Variants in ATP8B1 observed in about 807,000 individuals in gnomAD.
ATP8B1 encodes ATPase phospholipid transporting 8B1.
Under a neutral mutation model 149.9 loss-of-function variants are expected in ATP8B1, and 80 were observed. The ratio of observed to expected loss-of-function variants is 0.53; its 90% CI spans 0.45 to 0.64. The LOEUF is 0.64. ATP8B1 is among the 30% of genes least tolerant of loss of function. The pLI, the probability that ATP8B1 is intolerant of heterozygous loss-of-function variation, is 0.00. For missense variants in ATP8B1, 1,247 were observed against 1,552.6 expected (o/e 0.80, Z 3.31); for synonymous variants, 536 against 562.8 (o/e 0.95, Z 0.67).
At chr18:57,685,048 G>A (rs1488770486) in intron 14 of ATP8B1, 24 bp downstream of exon 14, 5 of 1,613,364 alleles carry the variant, frequency 3.1e-6, no homozygotes, top group Admixed American at 1.7e-5. Context: ...CATCCCAAAC[G>A]ATTCTTCGGC....
chr18:57,768,672 A>G (rs1316046800), intron 1 of ATP8B1, among the ~76,000 whole-genome samples: 1 of 151,790 alleles, frequency 6.6e-6, no homozygotes, highest in Non-Finnish European at 1.5e-5. Flanking sequence ...AAAATATTAC[A>G]TAGCTAATCC....
Position 57,648,779 on chromosome 18 carries a change from G to A in ATP8B1, c.3532-67C>T, listed in dbSNP as rs566637139. 4.7e-6 allele frequency: 7 copies of A among 1,493,156 alleles called. No individual in the cohort carries two copies. The East Asian group carries it at 9.9e-5, about 21-fold the overall frequency. 92.5% of individuals were successfully genotyped at this position (1,493,156 alleles called of 1,614,324 possible). ...CACCAGGGAGGAGGCCTGGCCAGAC[G>A]GTTGACAGAAATGAACACTGATGAA... is the stretch of plus-strand genomic sequence containing the variant. On this transcript the variant is annotated intron_variant, in intron 27 of 27. Coordinates refer to ENST00000648908, the MANE Select transcript of ATP8B1 (RefSeq NM_001374385.1).
At chr18:57,789,778 T>C (rs999502213) in intron 1 of ATP8B1, among the ~76,000 whole-genome samples, 1 of 152,226 alleles carries the variant, frequency 6.6e-6, no homozygotes, top group Non-Finnish European at 1.5e-5. Context: ...TTTGCTCACA[T>C]GTACATACTT....
intron 1 of ATP8B1, among the ~76,000 whole-genome samples, chr18:57,743,489 C>T (rs1222716347): frequency 6.6e-6 from 1 of 152,150 alleles, no homozygotes; most frequent in Non-Finnish European, 1.5e-5. Flanking sequence ...AAATGCTTCC[C>T]AATGTATGCC....
At chr18:57,691,703 C>A (rs1056071641) in intron 12 of ATP8B1, 104 bp downstream of exon 12, 24 of 1,400,104 alleles carry the variant, frequency 1.7e-5, no homozygotes, top group African/African-American at 2.9e-5. Flanking sequence ...CTTACCTGTT[C>A]TTTGTGACCT....
At chr18:57,676,790 C>T (rs1911627480) in intron 15 of ATP8B1, among the ~76,000 whole-genome samples, 1 of 150,988 alleles carries the variant, frequency 6.6e-6, no homozygotes, top group African/African-American at 2.4e-5. Context: ...GATCACTATC[C>T]GATATCTTAA....
intron 1 of ATP8B1, among the ~76,000 whole-genome samples, chr18:57,793,273 A>G (rs2080480627): frequency 6.6e-6 from 1 of 152,018 alleles, no homozygotes; most frequent in South Asian, 2.1e-4. Flanking sequence ...TAAAAGTTGC[A>G]CGTATGCCTG....
chr18:57,701,266 G>A lies in ATP8B1; in HGVS notation c.441C>T (p.Pro147=), dbSNP rs1233057396. The A allele has an allele frequency of 1.2e-6, 2 of 1,614,144 alleles. No homozygotes were observed. The highest frequency in any genetic ancestry group is 1.7e-5 in the Admixed American group (1 of 60,020). ...STLAWYTTLV[P]LLVVLGVTAI... ...CAGTGACGCCCAGCACCACAAGCAG[G>A]GGCACTAGTGTGGTGTACCAAGCCA... Residue 147 remains proline (P), a synonymous_variant, in exon 5 of 28, where the codon CCC becomes CCT. Transcript: ENST00000648908.
intron 1 of ATP8B1, among the ~76,000 whole-genome samples, chr18:57,764,823 T>C (rs1407811301): frequency 6.7e-6 from 1 of 150,286 alleles, no homozygotes; most frequent in Non-Finnish European, 1.5e-5. Flanking sequence ...GTTGAAACAC[T>C]TTTGCACTGC....
intron 1 of ATP8B1, among the ~76,000 whole-genome samples, chr18:57,753,756 C>A (rs1370446989): frequency 4.0e-5 from 6 of 151,740 alleles, no homozygotes; most frequent in Non-Finnish European, 8.8e-5. Flanking sequence ...GGTGAAACCC[C>A]ATCTCTACTA....
At chr18:57,772,635 G>A (rs577712465) in intron 1 of ATP8B1, among the ~76,000 whole-genome samples, 2 of 151,088 alleles carry the variant, frequency 1.3e-5, no homozygotes, top group South Asian at 2.1e-4. Context: ...AACACGTCCC[G>A]ACCTCGTGGC....
chr18:57,699,152 AAG>A (rs1912984172), intron 6 of ATP8B1, among the ~76,000 whole-genome samples: 1 of 152,202 alleles, frequency 6.6e-6, no homozygotes, highest in South Asian at 2.1e-4. Flanking sequence ...GCCTCATTCC[AAG>A]ACTTTTTATG....
intron 20 of ATP8B1, among the ~76,000 whole-genome samples, chr18:57,664,724 T>G (rs529117483): frequency 6.6e-6 from 1 of 152,170 alleles, no homozygotes; most frequent in Non-Finnish European, 1.5e-5. Context: ...CATGAAATTT[T>G]GGAGTGGAAG....
At chr18:57,765,611 G>A (rs1224738533) in intron 1 of ATP8B1, among the ~76,000 whole-genome samples, 2 of 151,428 alleles carry the variant, frequency 1.3e-5, no homozygotes, top group African/African-American at 4.9e-5. Context: ...GGAGGTTGCA[G>A]TAAGCCAAGA....
chr18:57,755,889 T>C (rs2080072652), intron 1 of ATP8B1, among the ~76,000 whole-genome samples: 1 of 152,078 alleles, frequency 6.6e-6, no homozygotes, highest in African/African-American at 2.4e-5. Flanking sequence ...TGAAGAGGGC[T>C]TGCACGCGCC....
chr18:57,782,592 T>C (rs2080366504), intron 1 of ATP8B1, among the ~76,000 whole-genome samples: 1 of 152,126 alleles, frequency 6.6e-6, no homozygotes, highest in Non-Finnish European at 1.5e-5. Flanking sequence ...CCAGGTGAAC[T>C]TGAGAATCTC....
rs1909572894 is a variant in ATP8B1 at position 57,650,944 on chromosome 18, C to A, written c.3401-447G>T. 1.3e-5 allele frequency among the ~76,000 whole-genome samples: 2 copies of A among 152,076 alleles called. 1 individual carries two copies. The highest frequency in any genetic ancestry group is 4.1e-4 in the South Asian group (2 of 4,832). ...ACTGGATTGGCCTCCCCAAAATATC[C>A]ATTATGGCTCAAAGAACAGACATTT... is the stretch of plus-strand genomic sequence containing the variant. On this transcript the variant is annotated intron_variant, in intron 26 of 27. Transcript: ENST00000648908.
At chr18:57,701,784 C>T (rs959289239) in intron 4 of ATP8B1, among the ~76,000 whole-genome samples, 1 of 151,924 alleles carries the variant, frequency 6.6e-6, no homozygotes, top group Admixed American at 6.6e-5. Flanking sequence ...CAACCTCCGC[C>T]TCCCAGGCTC....
At chr18:57,703,576 C>CAAAAAAAAAAA (rs35128451) in intron 4 of ATP8B1, among the ~76,000 whole-genome samples, 1 of 131,720 alleles carries the variant, frequency 7.6e-6, no homozygotes. Flanking sequence ...AACACGGTCT[C>CAAAAAAAAAAA]AAAAAAAAAA....
Sources: gnomAD v4.1 joint callset for allele counts (sites outside exome capture counted in the v4.1 genomes callset) on GRCh38, gnomAD v4.1.1 for gene constraint, MANE v1.5 for transcripts, NCBI Gene and HGNC (gene_info 2026-07-23, HGNC 2026-07-21) for gene names.